The following TEX13D variants were observed in gnomAD, a reference collection of about 807,000 sequenced individuals.
TEX13D encodes the protein TEX13 family member D.
For missense variants in TEX13D, 261 were observed against 265.8 expected, an observed-to-expected ratio of 0.98 and a Z score of 0.12; for synonymous variants, 115 against 104.5, an observed-to-expected ratio of 1.10 and a Z score of -0.61.
Position 124,335,005 on chromosome X carries a change from C to T in TEX13D, c.2088C>T (p.Ala696=), listed in dbSNP as rs1331951523. 1.1e-6 allele frequency: 1 copy of T among 937,170 alleles called. No individual in the cohort carries two copies. The highest frequency in any genetic ancestry group is 1.3e-6 in the Non-Finnish European group (1 of 756,145). The allele number at this position is 937,170 out of a possible 1,213,427, so 77.2% of individuals were successfully genotyped here. The change falls in exon 1 of 1, where the codon GCC becomes GCT. Residue 696 remains alanine, a synonymous_variant. Transcript: ENST00000632372. ...CCATTAATTTTTCATGGCGTACGGC[C>T]TGCTATAAATGCAAGAAAGCCTGTG... is the stretch of plus-strand genomic sequence containing the variant. The part of the protein sequence containing the change: ...CKAINFSWRT[A]CYKCKKACVP...
Position 124,334,156 on chromosome X carries a change from C to G in TEX13D, c.1239C>G (p.Ser413Arg). ...TVPQGDSRSYSQEGCSDRAQE... is the reference protein window; with the variant it reads ...TVPQGDSRSYRQEGCSDRAQE... ...CCCAGGGAGACAGCAGAAGCTACAG[C>G]CAGGAAGGATGTTCAGATAGGGCCC... is the stretch of plus-strand genomic sequence containing the variant. Residue 413 changes from serine to arginine, a missense_variant, in exon 1 of 1, where the codon AGC becomes AGG. By Grantham distance (110) the Ser-to-Arg change is moderately radical. Transcript: ENST00000632372. The G allele has an allele frequency of 1.1e-6, 1 of 935,470 alleles. No homozygotes were observed. The highest frequency in any genetic ancestry group is 1.3e-6 in the Non-Finnish European group (1 of 755,333). 77.1% of individuals were successfully genotyped at this position (935,470 alleles called of 1,213,427 possible).
rs111525928 is a variant in TEX13D, at chrX:124,334,012, G to T, written c.1095G>T (p.Leu365=). 3.3e-5 allele frequency: 31 copies of T among 932,762 alleles called. 1 individual carries two copies. Among genetic ancestry groups the T allele is most frequent in the African/African-American group, 3.1e-4 (15 of 48,184 alleles). 76.9% of individuals were successfully genotyped at this position (932,762 alleles called of 1,213,427 possible). A position where few individuals can be genotyped will look rare whatever the true frequency, so the allele number is the denominator to read the frequency against. ...GTEGPQGMDP[L]GNRERQNQKE... is the part of the protein sequence containing the mutation. ...AAGGACCCCAGGGGATGGATCCCCT[G>T]GGGAACAGAGAGAGACAAAATCAGA... The change falls in exon 1 of 1, where the codon CTG becomes CTT. Residue 365 remains leucine (L), a synonymous_variant. Transcript: ENST00000632372.
Position 124,334,094 on chromosome X carries a change from A to G in TEX13D, c.1177A>G (p.Lys393Glu), listed in dbSNP as rs2059967965. The G allele has an allele frequency of 1.1e-6, 1 of 933,617 alleles. No homozygotes were observed. The highest frequency in any genetic ancestry group is 1.3e-6 in the Non-Finnish European group (1 of 754,849). 76.9% of individuals were successfully genotyped at this position (933,617 alleles called of 1,213,427 possible). The change falls in exon 1 of 1, where the codon AAA becomes GAA. Residue 393 changes from lysine (K) to glutamate (E), a missense_variant. Lys to Glu is a moderately conservative substitution (Grantham distance 56). Transcript: ENST00000632372. ...CACCCTGGTGTTTCGCAGGAGCCAC[A>G]AATCAGAAGGTCCAGAGGGGCCCCA... ...MHTLVFRRSH[K>E]SEGPEGPQGT...
At position 124,334,819 on chromosome X, in the gene TEX13D, G is replaced by A; in HGVS notation, c.1902G>A (p.Gly634=). The A allele has an allele frequency of 1.1e-6, 1 of 939,242 alleles. No homozygotes were observed. The highest frequency in any genetic ancestry group is 5.8e-5 in the South Asian group (1 of 17,115). 77.4% of individuals were successfully genotyped at this position (939,242 alleles called of 1,213,427 possible). The stretch of plus-strand genomic sequence containing the variant: ...AGAGGCCCCAGGGCACTCCCCTGGG[G>A]GACAGCAGGAGCCATGGTGTCAGAG... ...GPERPQGTPL[G]DSRSHGVRES... The change falls in exon 1 of 1, where the codon GGG becomes GGA. Residue 634 remains glycine, a synonymous_variant. Transcript: ENST00000632372.
chrX:124,334,149 G>A lies in TEX13D; in HGVS notation c.1232G>A (p.Ser411Asn). The change falls in exon 1 of 1, where the codon AGC (serine) becomes AAC (asparagine). Residue 411 changes from serine (S) to asparagine (N), a missense_variant. Transcript: ENST00000632372. The stretch of plus-strand genomic sequence containing the variant: ...ACGGTCCCCCAGGGAGACAGCAGAA[G>A]CTACAGCCAGGAAGGATGTTCAGAT... ...QGTVPQGDSR[S>N]YSQEGCSDRA... 2.1e-6 allele frequency: 2 copies of A among 936,810 alleles called. No individual in the cohort carries two copies. Among genetic ancestry groups the A allele is most frequent in the Non-Finnish European group, 1.3e-6 (1 of 755,728 alleles). The allele number at this position is 936,810 out of a possible 1,213,427, so 77.2% of individuals were successfully genotyped here. A position where few individuals can be genotyped will look rare whatever the true frequency, so the allele number is the denominator to read the frequency against.
rs1186896463 is a variant in TEX13D at position 124,336,206 on chromosome X, G to A, written c.*1144G>A. 3 of 112,178 alleles carry A rather than the reference G, an allele frequency of 2.7e-5. No homozygotes were observed. Among genetic ancestry groups the A allele is most frequent in the Non-Finnish European group, 5.6e-5 (3 of 53,292 alleles). The allele number at this position is 112,178 out of a possible 1,213,427, so 9.2% of individuals were successfully genotyped here. A position where few individuals can be genotyped will look rare whatever the true frequency, so the allele number is the denominator to read the frequency against. On this transcript the variant is annotated 3_prime_UTR_variant, in exon 1 of 1. Transcript: ENST00000632372. Reference sequence around the variant, plus strand: ...GCAGTTTTGTGGGCAATGTGAAAGAGACTTGCATGAAAGGTCTTGAGTAAC... The same window carrying A: ...GCAGTTTTGTGGGCAATGTGAAAGAAACTTGCATGAAAGGTCTTGAGTAAC...
At position 124,333,780 on chromosome X, in the gene TEX13D, G is replaced by C. The variant is rs1335950850; in HGVS notation, c.863G>C (p.Ser288Thr). ...EEMAPLWYQR[S>T]YIQEEDSKIL... Reference sequence around the variant, plus strand: ...ATGGCCCCTCTGTGGTACCAGAGAAGCTACATCCAGGAGGAAGATTCCAAA... The same window carrying C: ...ATGGCCCCTCTGTGGTACCAGAGAACCTACATCCAGGAGGAAGATTCCAAA... The change falls in exon 1 of 1, where the codon AGC becomes ACC. Residue 288 changes from serine (S) to threonine (T), a missense_variant. Coordinates refer to ENST00000632372, the MANE Select transcript of TEX13D (RefSeq NM_001355534.2). 1 of 296,191 alleles carries C rather than the reference G, an allele frequency of 3.4e-6. No individual in the cohort carries two copies. Among genetic ancestry groups the C allele is most frequent in the African/African-American group, 2.8e-5 (1 of 36,331 alleles). 24.4% of individuals were successfully genotyped at this position (296,191 alleles called of 1,213,427 possible).
chrX:124,332,880 G>A lies in TEX13D; in HGVS notation c.-38G>A, dbSNP rs895252496. On this transcript the variant is annotated 5_prime_UTR_variant, in exon 1 of 1. Transcript: ENST00000632372. ...AAGTGGCGGCAGCAGCTGAGGCGAC[G>A]CACCGTGAGGCAGCTGCTTGACTAG... The A allele has an allele frequency of 1.4e-4, 47 of 344,303 alleles. 1 individual carries two copies. In the Middle Eastern group the frequency reaches 1.7e-3, roughly 12 times the overall value. 28.4% of individuals were successfully genotyped at this position (344,303 alleles called of 1,213,427 possible).
chrX:124,336,106 A>G lies in TEX13D; in HGVS notation c.*1044A>G, dbSNP rs2059972777. ...CATAATTTGGGATACAAATTAGATC[A>G]GGGGTATCTTCTTTGCCTTGCATGT... On this transcript the variant is annotated 3_prime_UTR_variant, in exon 1 of 1. Coordinates refer to ENST00000632372, the MANE Select transcript of TEX13D (RefSeq NM_001355534.2). The G allele has an allele frequency of 8.9e-6, 1 of 112,203 alleles. No individual in the cohort carries two copies. The highest frequency in any genetic ancestry group is 1.9e-5 in the Non-Finnish European group (1 of 53,291). The allele number at this position is 112,203 out of a possible 1,213,427, so 9.2% of individuals were successfully genotyped here. A position where few individuals can be genotyped will look rare whatever the true frequency, so the allele number is the denominator to read the frequency against.
rs1013375263 is a variant in TEX13D at position 124,332,683 on chromosome X, G to C, written c.-235G>C. The C allele has an allele frequency of 1.0e-4, 25 of 245,512 alleles. No homozygotes were observed. Among genetic ancestry groups the C allele is most frequent in the Non-Finnish European group, 1.6e-4 (22 of 138,165 alleles). 20.2% of individuals were successfully genotyped at this position (245,512 alleles called of 1,213,427 possible). A position where few individuals can be genotyped will look rare whatever the true frequency, so the allele number is the denominator to read the frequency against. ...TCAGCTTTTCTCTGTGACATGTCGC[G>C]GAGTCGCCGGTAGGGTTCGGTGTGG... On this transcript the variant is annotated 5_prime_UTR_variant, in exon 1 of 1. Transcript: ENST00000632372.
chrX:124,332,858 T>TGGC lies in TEX13D; in HGVS notation c.-56_-54dup, dbSNP rs1354056328. 6 of 341,100 alleles carry TGGC rather than the reference T, an allele frequency of 1.8e-5. No individual in the cohort carries two copies. The highest frequency in any genetic ancestry group is 3.0e-5 in the Non-Finnish European group (6 of 198,133). The allele number at this position is 341,100 out of a possible 1,213,427, so 28.1% of individuals were successfully genotyped here. On this transcript the variant is annotated 5_prime_UTR_variant, in exon 1 of 1. Transcript: ENST00000632372. ...TGTCGGCAGCAGCCGGTACCGGAAG[T>TGGC]GGCGGCAGCAGCTGAGGCGACGCAC...
In TEX13D at chrX:124,332,821, G is replaced by T. The variant is rs2059963817; in HGVS notation, c.-97G>T. The T allele has an allele frequency of 1.4e-5, 5 of 345,948 alleles. No individual in the cohort carries two copies. In the East Asian group the frequency reaches 2.3e-4, roughly 16 times the overall value. 28.5% of individuals were successfully genotyped at this position (345,948 alleles called of 1,213,427 possible). A position where few individuals can be genotyped will look rare whatever the true frequency, so the allele number is the denominator to read the frequency against. On this transcript the variant is annotated 5_prime_UTR_variant, in exon 1 of 1. Coordinates refer to ENST00000632372, the MANE Select transcript of TEX13D (RefSeq NM_001355534.2). The stretch of plus-strand genomic sequence containing the variant: ...AAGTAAGACTGAAAGGGGAGGTGAG[G>T]GGTGGACTGGTTGTCGGCAGCAGCC...
rs1047552373 is a variant in TEX13D, at chrX:124,334,858, A to G, written c.1941A>G (p.Lys647=). 2.7e-5 allele frequency: 25 copies of G among 938,125 alleles called. No individual in the cohort carries two copies. Among genetic ancestry groups the G allele is most frequent in the Admixed American group, 1.2e-4 (2 of 17,331 alleles). The allele number at this position is 938,125 out of a possible 1,213,427, so 77.3% of individuals were successfully genotyped here. A position where few individuals can be genotyped will look rare whatever the true frequency, so the allele number is the denominator to read the frequency against. The change falls in exon 1 of 1, where the codon AAA becomes AAG. Residue 647 remains lysine, a synonymous_variant. Coordinates refer to ENST00000632372, the MANE Select transcript of TEX13D (RefSeq NM_001355534.2). ...RSHGVRESPK[K]WQPQRQKAKK... ...ATGGTGTCAGAGAAAGCCCAAAGAAATGGCAACCTCAGAGGCAGAAGGCCA... is the reference window on the plus strand; with the variant it reads ...ATGGTGTCAGAGAAAGCCCAAAGAAGTGGCAACCTCAGAGGCAGAAGGCCA...
Position 124,333,007 on chromosome X carries a change from C to T in TEX13D, c.90C>T (p.Ser30=), listed in dbSNP as rs2059964644. The change falls in exon 1 of 1, where the codon AGC becomes AGT. Residue 30 remains serine (S), a synonymous_variant. Coordinates refer to ENST00000632372, the MANE Select transcript of TEX13D (RefSeq NM_001355534.2). ...FINNEVLMDG[S]GPAFYVAFRS... is the part of the protein sequence containing the mutation. ...ACAATGAAGTCCTCATGGACGGCAG[C>T]GGCCCAGCCTTTTACGTGGCCTTCC... 1.1e-5 allele frequency: 5 copies of T among 475,357 alleles called. No homozygotes were observed. Among genetic ancestry groups the T allele is most frequent in the East Asian group, 7.8e-5 (2 of 25,782 alleles). 39.2% of individuals were successfully genotyped at this position (475,357 alleles called of 1,213,427 possible).
At position 124,333,001 on chromosome X, in the gene TEX13D, C is replaced by A; in HGVS notation, c.84C>A (p.Asp28Glu). 2.1e-6 allele frequency: 1 copy of A among 472,474 alleles called. No individual in the cohort carries two copies. Among genetic ancestry groups the A allele is most frequent in the Non-Finnish European group, 3.7e-6 (1 of 266,843 alleles). 38.9% of individuals were successfully genotyped at this position (472,474 alleles called of 1,213,427 possible). ...TCATTAACAATGAAGTCCTCATGGA[C>A]GGCAGCGGCCCAGCCTTTTACGTGG... ...IRFINNEVLMDGSGPAFYVAF... is the reference protein window; with the variant it reads ...IRFINNEVLMEGSGPAFYVAF... Residue 28 changes from aspartate (D) to glutamate (E), a missense_variant, in exon 1 of 1, where the codon GAC becomes GAA. Transcript: ENST00000632372.
chrX:124,335,110 T>G lies in TEX13D; in HGVS notation c.*48T>G, dbSNP rs1331653348. The G allele has an allele frequency of 3.6e-6, 3 of 830,062 alleles. No homozygotes were observed. The African/African-American group carries it at 6.4e-5, about 18-fold the overall frequency. The allele number at this position is 830,062 out of a possible 1,213,427, so 68.4% of individuals were successfully genotyped here. A position where few individuals can be genotyped will look rare whatever the true frequency, so the allele number is the denominator to read the frequency against. On this transcript the variant is annotated 3_prime_UTR_variant, in exon 1 of 1. Coordinates refer to ENST00000632372, the MANE Select transcript of TEX13D (RefSeq NM_001355534.2). Reference sequence around the variant, plus strand: ...GGACACACTTCAAAGAGAAAGCAATTTCCTAAGACCCTCTTCTGATTAAAG... The same window carrying G: ...GGACACACTTCAAAGAGAAAGCAATGTCCTAAGACCCTCTTCTGATTAAAG...
At position 124,332,905 on chromosome X, in the gene TEX13D, G is replaced by C. The variant is rs1005117426; in HGVS notation, c.-13G>C. 33 of 350,933 alleles carry C rather than the reference G, an allele frequency of 9.4e-5. No individual in the cohort carries two copies. Among genetic ancestry groups the C allele is most frequent in the African/African-American group, 8.8e-4 (33 of 37,379 alleles). The allele number at this position is 350,933 out of a possible 1,213,427, so 28.9% of individuals were successfully genotyped here. A position where few individuals can be genotyped will look rare whatever the true frequency, so the allele number is the denominator to read the frequency against. On this transcript the variant is annotated 5_prime_UTR_variant, in exon 1 of 1. Transcript: ENST00000632372. ...GCACCGTGAGGCAGCTGCTTGACTA[G>C]GCCACAGCCGCCATGGCGATGAATT...
chrX:124,333,320 G>C lies in TEX13D; in HGVS notation c.403G>C (p.Ala135Pro). 2.4e-6 allele frequency: 1 copy of C among 411,951 alleles called. No individual in the cohort carries two copies. The highest frequency in any genetic ancestry group is 4.5e-5 in the Admixed American group (1 of 22,194). 33.9% of individuals were successfully genotyped at this position (411,951 alleles called of 1,213,427 possible). The stretch of plus-strand genomic sequence containing the variant: ...CCTCGCGCAGGCTGCCCTGCAGCAG[G>C]CGCTGAATGAGCGTGATGGGCTGTA... ...LHLAQAALQQ[A>P]LNERDGLYGR... is the part of the protein sequence containing the mutation. The change falls in exon 1 of 1, where the codon GCG becomes CCG. Residue 135 changes from alanine (A) to proline (P), a missense_variant. Transcript: ENST00000632372.
Position 124,332,851 on chromosome X carries a change from C to G in TEX13D, c.-67C>G. Reference sequence around the variant, plus strand: ...GACTGGTTGTCGGCAGCAGCCGGTACCGGAAGTGGCGGCAGCAGCTGAGGC... The same window carrying G: ...GACTGGTTGTCGGCAGCAGCCGGTAGCGGAAGTGGCGGCAGCAGCTGAGGC... On this transcript the variant is annotated 5_prime_UTR_variant, in exon 1 of 1. Coordinates refer to ENST00000632372, the MANE Select transcript of TEX13D (RefSeq NM_001355534.2). 1 of 342,817 alleles carries G rather than the reference C, an allele frequency of 2.9e-6. No individual in the cohort carries two copies. The highest frequency in any genetic ancestry group is 5.0e-6 in the Non-Finnish European group (1 of 198,519). The allele number at this position is 342,817 out of a possible 1,213,427, so 28.3% of individuals were successfully genotyped here.
Sources: allele counts gnomAD v4.1 joint callset, GRCh38; gene constraint gnomAD v4.1.1; transcripts MANE v1.5; gene names NCBI Gene and HGNC (gene_info 2026-07-23, HGNC 2026-07-21).